PPP2R5A: variants seen among roughly 807,000 people sequenced by gnomAD.
PPP2R5A encodes the protein protein phosphatase 2 regulatory subunit B'alpha, also known as serine/threonine-protein phosphatase 2A 56 kDa regulatory subunit alpha isoform.
In PPP2R5A, 25 loss-of-function variants were observed where a neutral mutation model predicts 64.2. The ratio of observed to expected loss-of-function variants is 0.39; its 90% confidence interval spans 0.28 to 0.54. The LOEUF is 0.54. Ranked by LOEUF, PPP2R5A falls within the 20% of genes least tolerant of loss-of-function variation. The pLI is 0.67. For missense variants in PPP2R5A, 425 were observed against 576.3 expected, an observed-to-expected ratio of 0.74 and a Z score of 2.69; for synonymous variants, 198 against 201.2, an observed-to-expected ratio of 0.98 and a Z score of 0.13.
chr1:212,337,122 G>A (rs571905404), intron 3 of PPP2R5A, among the ~76,000 whole-genome samples: 25 of 152,262 alleles, frequency 1.6e-4, no homozygotes, highest in Admixed American at 2.6e-4. Flanking sequence ...TCAGTATTAG[G>A]GGATAGGTTG....
intron 1 of PPP2R5A, among the ~76,000 whole-genome samples, chr1:212,311,727 C>T (rs928211327): frequency 6.6e-6 from 1 of 151,766 alleles, no homozygotes; most frequent in Middle Eastern, 3.2e-3. Flanking sequence ...GTGTTTGTGT[C>T]TTAGTTTTTA....
chr1:212,309,873 A>T (rs1036322579), intron 1 of PPP2R5A, among the ~76,000 whole-genome samples: 2 of 152,190 alleles, frequency 1.3e-5, no homozygotes, highest in African/African-American at 4.8e-5. Context: ...CACCACAGAT[A>T]AGCAAAAAAG....
At chr1:212,320,402 C>G (rs991951820) in intron 1 of PPP2R5A, among the ~76,000 whole-genome samples, 2 of 152,304 alleles carry the variant, frequency 1.3e-5, no homozygotes, top group Admixed American at 6.5e-5. Flanking sequence ...ACCTTTCCCC[C>G]CTTTCTATTC....
rs143936729 is a variant in PPP2R5A at position 212,310,842 on chromosome 1, A to T, written c.182-18293A>T. Reference sequence around the variant, plus strand: ...GCAACAATAAGTTGCTGTGGAAAGGATGAGAAATGCTGATAGGTCCTACTC... The same window carrying T: ...GCAACAATAAGTTGCTGTGGAAAGGTTGAGAAATGCTGATAGGTCCTACTC... On this transcript the variant is annotated intron_variant, in intron 1 of 12. Transcript: ENST00000261461. Among the ~76,000 whole-genome samples, 10 of 152,292 alleles carry T rather than the reference A, an allele frequency of 6.6e-5. 1 individual carries two copies. Among genetic ancestry groups the T allele is most frequent in the African/African-American group, 2.2e-4 (9 of 41,560 alleles).
Position 212,347,443 on chromosome 1 carries a change from T to C in PPP2R5A, c.764+37T>C, listed in dbSNP as rs771836543. On this transcript the variant is annotated intron_variant, in intron 6 of 12. Transcript: ENST00000261461. The stretch of plus-strand genomic sequence containing the variant: ...TTTTTTGTTCTTTTTAAGAATTAAG[T>C]AAGTGAATGTTTTATGTATTAAAAT... 4.2e-6 allele frequency: 6 copies of C among 1,436,126 alleles called. No individual in the cohort carries two copies. In the East Asian group the frequency reaches 1.1e-4, roughly 27 times the overall value. The allele number at this position is 1,436,126 out of a possible 1,614,324, so 89.0% of individuals were successfully genotyped here. A position where few individuals can be genotyped will look rare whatever the true frequency, so the allele number is the denominator to read the frequency against.
intron 3 of PPP2R5A, among the ~76,000 whole-genome samples, chr1:212,335,315 A>C (rs546005766): frequency 6.6e-5 from 10 of 152,158 alleles, no homozygotes; most frequent in African/African-American, 1.7e-4. Context: ...ATCTCTACTA[A>C]AAATACAAAA....
In PPP2R5A at chr1:212,333,519, C is replaced by T. The variant is rs202004074; in HGVS notation, c.401C>T (p.Thr134Ile). ...VKMISANIFR[T>I]LPPSDNPDFD... ...CAGATCAGTGCTAACATCTTCCGTA[C>T]ACTTCCTCCAAGTGATAATCCAGAT... The change falls in exon 3 of 13, where the codon ACA becomes ATA. Residue 134 changes from threonine (T) to isoleucine (I), a missense_variant. Thr to Ile is a moderately conservative substitution (Grantham distance 89, BLOSUM62 -1). Around this residue, in one of 4 missense-constraint regions of PPP2R5A, gnomAD observed 140 missense variants for 204.4 expected, o/e 0.68. Coordinates refer to ENST00000261461, the MANE Select transcript of PPP2R5A (RefSeq NM_006243.4). The T allele has an allele frequency of 5.0e-6, 8 of 1,597,150 alleles. No individual in the cohort carries two copies. The East Asian group carries it at 1.3e-4, about 27-fold the overall frequency.
intron 6 of PPP2R5A, among the ~76,000 whole-genome samples, 192 bp from the exon 7 acceptor site, chr1:212,348,197 T>C (rs1300212957): frequency 6.6e-6 from 1 of 152,210 alleles, no homozygotes; most frequent in African/African-American, 2.4e-5. Context: ...CCTAATTTTC[T>C]TTTGGAATCA....
chr1:212,344,701 T>C (rs1353548553), intron 4 of PPP2R5A, among the ~76,000 whole-genome samples: 1 of 152,190 alleles, frequency 6.6e-6, no homozygotes, highest in Non-Finnish European at 1.5e-5. Context: ...TTCTTTACCA[T>C]TTTAAATGGA....
At chr1:212,338,337 C>A (rs1283779891) in intron 3 of PPP2R5A, among the ~76,000 whole-genome samples, 1 of 152,186 alleles carries the variant, frequency 6.6e-6, no homozygotes, top group Admixed American at 6.5e-5. Flanking sequence ...GAAGGACTAG[C>A]CATACATTGA....
chr1:212,289,055 GTATT>G (rs1658555521), intron 1 of PPP2R5A, among the ~76,000 whole-genome samples: 1 of 152,182 alleles, frequency 6.6e-6, no homozygotes, highest in African/African-American at 2.4e-5. Context: ...ATAATTGAAA[GTATT>G]TAATAAACAA....
Position 212,326,234 on chromosome 1 carries a change from A to G in PPP2R5A, c.182-2901A>G, listed in dbSNP as rs138293131. On this transcript the variant is annotated intron_variant, in intron 1 of 12. Transcript: ENST00000261461. The stretch of plus-strand genomic sequence containing the variant: ...TTACTTAGTATTAAAAATAGTTGCA[A>G]ATTCAATGTTTTTTTTTTTTTTAAG... Among the ~76,000 whole-genome samples, 601 of 149,430 alleles carry G rather than the reference A, an allele frequency of 4.0e-3. 4 individuals carry two copies. Among genetic ancestry groups the G allele is most frequent in the African/African-American group, 0.014 (577 of 41,168 alleles).
intron 1 of PPP2R5A, among the ~76,000 whole-genome samples, chr1:212,310,133 A>G (rs1326959492): frequency 6.6e-6 from 1 of 152,170 alleles, no homozygotes; most frequent in African/African-American, 2.4e-5. Context: ...GTTAAGTTCC[A>G]TTGATTTTCA....
chr1:212,308,108 A>G (rs888110922), intron 1 of PPP2R5A, among the ~76,000 whole-genome samples: 3 of 151,968 alleles, frequency 2.0e-5, no homozygotes, highest in Admixed American at 2.0e-4. Context: ...CCAAGCCTTC[A>G]TTTTTGAAAG....
intron 9 of PPP2R5A, 113 bp from the exon 10 acceptor site, chr1:212,356,837 G>T: frequency 7.8e-7 from 1 of 1,277,380 alleles, no homozygotes; most frequent in South Asian, 1.6e-5. Context: ...CTGCCATCCA[G>T]ACATTTTTTT....
chr1:212,358,556 C>A, intron 11 of PPP2R5A, 130 bp from the exon 12 acceptor site: 1 of 606,464 alleles, frequency 1.6e-6, no homozygotes, highest in Non-Finnish European at 2.9e-6. Flanking sequence ...CCTCTTGAGC[C>A]TCAGTTTTAT....
chr1:212,303,778 C>G (rs1486404009), intron 1 of PPP2R5A, among the ~76,000 whole-genome samples: 2 of 152,178 alleles, frequency 1.3e-5, no homozygotes, highest in Admixed American at 6.5e-5. Context: ...TATCTCCACA[C>G]CACTTGTTGA....
intron 11 of PPP2R5A, chr1:212,357,977 T>G (rs1262764516): frequency 1.3e-5 from 2 of 152,288 alleles, no homozygotes; most frequent in East Asian, 3.9e-4. Context: ...TTATTTTTAT[T>G]TTTTTTGGAC....
chr1:212,303,956 G>T (rs975789477), intron 1 of PPP2R5A, among the ~76,000 whole-genome samples: 3 of 152,184 alleles, frequency 2.0e-5, no homozygotes, highest in African/African-American at 7.2e-5. Flanking sequence ...AAATGGGATA[G>T]TGTGAATCTT....
Sources: gnomAD v4.1 joint callset for allele counts (sites outside exome capture counted in the v4.1 genomes callset) on GRCh38, gnomAD v4.1.1 for gene constraint, gnomAD v4.1.1 regional missense constraint, MANE v1.5 for transcripts, NCBI Gene and HGNC (gene_info 2026-07-23, HGNC 2026-07-21) for gene names.